Variants in ARSI observed in about 807,000 individuals in gnomAD.
ARSI encodes the protein arylsulfatase family member I, also known as arylsulfatase I.
In ARSI, 37 loss-of-function variants were observed where a neutral mutation model predicts 42.1. The observed-to-expected ratio is 0.88, with a 90% CI of 0.68 to 1.16. The LOEUF (loss-of-function observed/expected upper bound fraction) is 1.16, where lower values mean the gene tolerates loss of function less well. Among genes scored for constraint, ARSI ranks in the 50% most tolerant of loss-of-function variants. The probability of loss-of-function intolerance (pLI) is 0.00; values close to 1 mark genes in which losing one functional copy is unlikely to be tolerated. For missense variants in ARSI, 725 were observed against 790.1 expected (o/e 0.92, Z 0.99); for synonymous variants, 305 against 320.3 (o/e 0.95, Z 0.51).
chr5:150,298,786 T>C (rs559062765), intron 1 of ARSI, among the ~76,000 whole-genome samples, 174 bp from the exon 2 acceptor site: 1 of 152,286 alleles, frequency 6.6e-6, no homozygotes, highest in Admixed American at 6.5e-5. Flanking sequence ...AAATGCATTA[T>C]CTCATCGAAT....
chr5:150,297,821 A>G lies in ARSI; in HGVS notation c.1103T>C (p.Leu368Pro), dbSNP rs146855741. Residue 368 changes from leucine to proline, a missense_variant, in exon 2 of 2, where the codon CTA becomes CCA. Leu to Pro is a moderately conservative substitution (Grantham distance 98, BLOSUM62 -3). Transcript: ENST00000328668. The surrounding 1 kb of genome is among the most constrained non-coding windows in gnomAD (Gnocchi z 7.0). ...AGGTTSAADG[L>P]DGYDVWPAIS... ...GGCCGGCCACACGTCGTAGCCATCT[A>G]GCCCATCGGCTGCTGAGGTGGTACC... The G allele has an allele frequency of 1.9e-6, 3 of 1,608,462 alleles. No individual in the cohort carries two copies. Among genetic ancestry groups the G allele is most frequent in the African/African-American group, 2.7e-5 (2 of 74,828 alleles).
At position 150,298,203 on chromosome 5, in the gene ARSI, G is replaced by T. The variant is rs768583086; in HGVS notation, c.721C>A (p.Pro241Thr). The T allele has an allele frequency of 3.1e-6, 5 of 1,614,076 alleles. No individual in the cohort carries two copies. The South Asian group carries it at 3.3e-5, about 11-fold the overall frequency. The change falls in exon 2 of 2, where the codon CCC (proline) becomes ACC (threonine). Residue 241 changes from proline (P) to threonine (T), a missense_variant. Transcript: ENST00000328668. ...LYVAFQAVHT[P>T]LQSPREYLYR... ...AGGTACTCACGAGGGGACTGCAGGG[G>T]TGTGTGTACTGCCTGGAAGGCCACA...
Position 150,298,054 on chromosome 5 carries a change from A to T in ARSI, c.870T>A (p.Ser290Arg), listed in dbSNP as rs1192079908. 1.4e-5 allele frequency: 22 copies of T among 1,612,442 alleles called. No homozygotes were observed. Among genetic ancestry groups the T allele is most frequent in the Non-Finnish European group, 1.8e-5 (21 of 1,179,954 alleles). Residue 290 changes from serine (S) to arginine (R), a missense_variant, in exon 2 of 2, where the codon AGT becomes AGA. By Grantham distance (110) the Ser-to-Arg change is moderately radical. Transcript: ENST00000328668. ...CATTGTCACTGGAGAAGATGATGAC[A>T]CTGTTGTTGTAGAAACCGTAGCGCT... ...ALKRYGFYNN[S>R]VIIFSSDNGG...
In ARSI at chr5:150,297,338, T is replaced by A. The variant is rs1203686898; in HGVS notation, c.1586A>T (p.Glu529Val). The A allele has an allele frequency of 2.8e-5, 45 of 1,613,598 alleles. No individual in the cohort carries two copies. The highest frequency in any genetic ancestry group is 3.6e-5 in the Non-Finnish European group (43 of 1,179,886). ...TCGAGCCCTCCCTTCCTCTTCCTCC[T>A]CTTCCTCATCACTGGCCCAGGGCCC... ...AWGPWASDEE[E>V]EEEEGRARSF... Residue 529 changes from glutamate (E) to valine (V), a missense_variant, in exon 2 of 2, where the codon GAG (glutamate) becomes GTG (valine). By Grantham distance (121) the Glu-to-Val change is moderately radical. Transcript: ENST00000328668. The surrounding 1 kb of genome is among the most constrained non-coding windows in gnomAD (Gnocchi z 7.0).
intron 1 of ARSI, among the ~76,000 whole-genome samples, chr5:150,300,740 G>A (rs561190958): frequency 6.6e-6 from 1 of 152,220 alleles, no homozygotes; most frequent in African/African-American, 2.4e-5. Context: ...CAGATCAGGG[G>A]ACTGGAGCAC....
rs771488404 is a variant in ARSI at position 150,298,015 on chromosome 5, GA to G, written c.908del (p.Phe303SerfsTer24). On this transcript the variant is annotated frameshift_variant, in exon 2 of 2. Coordinates refer to ENST00000328668, the MANE Select transcript of ARSI (RefSeq NM_001012301.4). LOFTEE classifies it high-confidence loss of function. ...IFSSDNGGQT[F>X]SGGSNWPLRG... ...GGAGCGGCCAGTTGCTGCCCCCCGAGAAAGTCTGGCCACCATTGTCACTGGA... is the reference window on the plus strand; with the variant it reads ...GGAGCGGCCAGTTGCTGCCCCCCGAGAAGTCTGGCCACCATTGTCACTGGA... The G allele has an allele frequency of 9.9e-6, 16 of 1,612,472 alleles. No homozygotes were observed. Among genetic ancestry groups the G allele is most frequent in the African/African-American group, 1.3e-5 (1 of 74,922 alleles).
At position 150,298,284 on chromosome 5, in the gene ARSI, G is replaced by A. The variant is rs769558952; in HGVS notation, c.640C>T (p.Gln214Ter). ...CTGGCCAGGATATGGCTGGCGCGCT[G>A]GGCATAAAGCATAGTGGAGTACTGG... The part of the protein sequence containing the change: ...SGQYSTMLYA[Q>*]RASHILASHS... Residue 214 changes from glutamine to a stop codon, truncating the protein, a stop_gained, in exon 2 of 2, where the codon CAG becomes TAG. Coordinates refer to ENST00000328668, the MANE Select transcript of ARSI (RefSeq NM_001012301.4). LOFTEE classifies it high-confidence loss of function. The A allele has an allele frequency of 1.2e-6, 2 of 1,613,272 alleles. No individual in the cohort carries two copies. The highest frequency in any genetic ancestry group is 1.3e-5 in the African/African-American group (1 of 74,924).
At position 150,297,933 on chromosome 5, in the gene ARSI, TG is replaced by T; in HGVS notation, c.990del (p.His330GlnfsTer15). ...CGTTGCTTTCGCTTGAGCAGGGGAC[TG>T]TGGACAAAGCCTAGGCCCCGCACGC... is the stretch of plus-strand genomic sequence containing the variant. ...EGGVRGLGFVHSPLLKRKQRT... is the reference protein window; with the variant it reads ...EGGVRGLGFVXSPLLKRKQRT... On this transcript the variant is annotated frameshift_variant, in exon 2 of 2. Coordinates refer to ENST00000328668, the MANE Select transcript of ARSI (RefSeq NM_001012301.4). LOFTEE classifies it high-confidence loss of function. This position sits in a 1 kb window ranked among gnomAD's most constrained non-coding sequence, Gnocchi z 7.0. 6.2e-7 allele frequency: 1 copy of T among 1,611,492 alleles called. No homozygotes were observed. The highest frequency in any genetic ancestry group is 1.3e-5 in the African/African-American group (1 of 75,026).
chr5:150,300,729 G>A lies in ARSI; in HGVS notation c.311+1334C>T, dbSNP rs112026546. On this transcript the variant is annotated intron_variant, in intron 1 of 1. Transcript: ENST00000328668. ...TGGCCGGCCACCTTCAGTTAGCTTC[G>A]CAGATCAGGGGACTGGAGCACTGCC... 3.5e-3 allele frequency among the ~76,000 whole-genome samples: 535 copies of A among 152,322 alleles called. 6 individuals are homozygous for A. The highest frequency in any genetic ancestry group is 3.3e-3 in the Non-Finnish European group (223 of 68,032).
At chr5:150,301,625 T>C (rs1580976118) in intron 1 of ARSI, among the ~76,000 whole-genome samples, 1 of 152,156 alleles carries the variant, frequency 6.6e-6, no homozygotes, top group Non-Finnish European at 1.5e-5. Context: ...GCCAAGCAGG[T>C]TACACACAAC....
intron 1 of ARSI, among the ~76,000 whole-genome samples, chr5:150,300,349 T>C (rs747755698): frequency 1.2e-4 from 18 of 152,180 alleles, no homozygotes; most frequent in Non-Finnish European, 2.1e-4. Flanking sequence ...TGACAAGCAG[T>C]GGAGCTAAGC....
chr5:150,299,294 T>G (rs1042259811), intron 1 of ARSI, among the ~76,000 whole-genome samples: 1 of 152,222 alleles, frequency 6.6e-6, no homozygotes, highest in Admixed American at 6.5e-5. Flanking sequence ...TTCATAACTC[T>G]CCCAAAGAAT....
chr5:150,299,488 A>AAATG (rs1258322254), intron 1 of ARSI, among the ~76,000 whole-genome samples: 9 of 152,180 alleles, frequency 5.9e-5, no homozygotes, highest in Non-Finnish European at 7.3e-5. Context: ...ATTATTTATG[A>AAATG]AATGAATGAA....
chr5:150,298,102 C>T lies in ARSI; in HGVS notation c.822G>A (p.Val274=), dbSNP rs749936712. Residue 274 remains valine (V), a synonymous_variant, in exon 2 of 2, where the codon GTG becomes GTA. Transcript: ENST00000328668. ...AAMVTCMDEA[V]RNITWALKRY... ...GCTTGAGGGCCCAGGTGATGTTGCG[C>T]ACAGCCTCATCCATGCAGGTCACCA... is the stretch of plus-strand genomic sequence containing the variant. 3 of 1,613,652 alleles carry T rather than the reference C, an allele frequency of 1.9e-6. No individual in the cohort carries two copies. The highest frequency in any genetic ancestry group is 2.5e-6 in the Non-Finnish European group (3 of 1,180,030).
Position 150,297,268 on chromosome 5 carries a change from C to A in ARSI, c.1656G>T (p.Lys552Asn), listed in dbSNP as rs1293031392. 7 of 1,600,010 alleles carry A rather than the reference C, an allele frequency of 4.4e-6. No individual in the cohort carries two copies. Among genetic ancestry groups the A allele is most frequent in the African/African-American group, 1.3e-5 (1 of 74,250 alleles). ...TGAGTTTACGGAAAAAGGATCGAAG[C>A]TTGCAAATCTTGCATTTTTTCTTGC... is the stretch of plus-strand genomic sequence containing the variant. ...GRRKKKCKIC[K>N]LRSFFRKLNT... is the part of the protein sequence containing the mutation. Residue 552 changes from lysine (K) to asparagine (N), a missense_variant, in exon 2 of 2, where the codon AAG becomes AAT. Physicochemically the swap from Lys to Asn is moderately conservative, Grantham distance 94. Coordinates refer to ENST00000328668, the MANE Select transcript of ARSI (RefSeq NM_001012301.4). The surrounding 1 kb of genome is among the most constrained non-coding windows in gnomAD (Gnocchi z 7.0).
In ARSI at chr5:150,296,975, A is replaced by T; in HGVS notation, c.*239T>A. 2.3e-6 allele frequency: 1 copy of T among 432,422 alleles called. No homozygotes were observed. 26.8% of individuals were successfully genotyped at this position (432,422 alleles called of 1,614,324 possible). ...ATGAGGAAACTGAGGCTAAAAGCTC[A>T]TGTGGGTCACCTGAGGTCACAGAGC... is the stretch of plus-strand genomic sequence containing the variant. On this transcript the variant is annotated 3_prime_UTR_variant, in exon 2 of 2. Coordinates refer to ENST00000328668, the MANE Select transcript of ARSI (RefSeq NM_001012301.4).
In ARSI at chr5:150,297,905, G is replaced by C; in HGVS notation, c.1019C>G (p.Thr340Arg). The C allele has an allele frequency of 6.2e-7, 1 of 1,612,146 alleles. No individual in the cohort carries two copies. ...HSPLLKRKQR[T>R]SRALMHITDW... Reference sequence around the variant, plus strand: ...AGTGATGTGCATCAGTGCCCGGCTTGTCCGTTGCTTTCGCTTGAGCAGGGG... The same window carrying C: ...AGTGATGTGCATCAGTGCCCGGCTTCTCCGTTGCTTTCGCTTGAGCAGGGG... Residue 340 changes from threonine to arginine, a missense_variant, in exon 2 of 2, where the codon ACA becomes AGA. By Grantham distance (71) the Thr-to-Arg change is moderately conservative (BLOSUM62 -1). Transcript: ENST00000328668. This position sits in a 1 kb window ranked among gnomAD's most constrained non-coding sequence, Gnocchi z 7.0.
Position 150,297,346 on chromosome 5 carries a change from A to C in ARSI, c.1578T>G (p.Asp526Glu). The C allele has an allele frequency of 6.2e-7, 1 of 1,613,516 alleles. No individual in the cohort carries two copies. The highest frequency in any genetic ancestry group is 8.5e-7 in the Non-Finnish European group (1 of 1,179,822). ...TCCCTTCCTCTTCCTCCTCTTCCTCATCACTGGCCCAGGGCCCCCAAGCAC... is the reference window on the plus strand; with the variant it reads ...TCCCTTCCTCTTCCTCCTCTTCCTCCTCACTGGCCCAGGGCCCCCAAGCAC... ...NGGAWGPWASDEEEEEEEGRA... is the reference protein window; with the variant it reads ...NGGAWGPWASEEEEEEEEGRA... Residue 526 changes from aspartate (D) to glutamate (E), a missense_variant, in exon 2 of 2, where the codon GAT (aspartate) becomes GAG (glutamate). Physicochemically the swap from Asp to Glu is conservative, Grantham distance 45. Transcript: ENST00000328668. The surrounding 1 kb of genome is among the most constrained non-coding windows in gnomAD (Gnocchi z 7.0).
rs907704628 is a variant in ARSI at position 150,296,907 on chromosome 5, G to T, written c.*307C>A. ...CTCCACCGTGGCCCCAGGCTCCAGG[G>T]CCACACCAAAGAGTCACAAAGTCAT... On this transcript the variant is annotated 3_prime_UTR_variant, in exon 2 of 2. Transcript: ENST00000328668. 1.7e-5 allele frequency: 4 copies of T among 235,658 alleles called. No individual in the cohort carries two copies. The highest frequency in any genetic ancestry group is 3.2e-5 in the Non-Finnish European group (4 of 123,400). 14.6% of individuals were successfully genotyped at this position (235,658 alleles called of 1,614,324 possible).
Sources: gnomAD v4.1 joint callset for allele counts (sites outside exome capture counted in the v4.1 genomes callset) on GRCh38, gnomAD v4.1.1 for gene constraint, Gnocchi (gnomAD v3.1) non-coding constraint, MANE v1.5 for transcripts, NCBI Gene and HGNC (gene_info 2026-07-23, HGNC 2026-07-21) for gene names.